Variants in YLPM1 observed in about 807,000 individuals in gnomAD.
YLPM1 encodes YLP motif containing 1, also known as YLP motif-containing protein 1.
YLPM1 carries 99 observed loss-of-function variants against 230.0 expected under a neutral mutation model. The ratio of observed to expected loss-of-function variants is 0.43; its 90% confidence interval spans 0.37 to 0.51. YLPM1 has a LOEUF of 0.51. Among genes scored for constraint, YLPM1 ranks in the 20% least tolerant of loss-of-function variants. The probability of loss-of-function intolerance (pLI) is 0.00; values close to 1 mark genes in which losing one functional copy is unlikely to be tolerated. For missense variants in YLPM1, 2,592 were observed against 2,707.7 expected, an observed-to-expected ratio of 0.96 and a Z score of 0.95; for synonymous variants, 984 against 942.5, an observed-to-expected ratio of 1.04 and a Z score of -0.81.
intron 2 of YLPM1, among the ~76,000 whole-genome samples, chr14:74,779,404 C>T (rs1265403631): frequency 6.6e-6 from 1 of 152,008 alleles, no homozygotes; most frequent in Non-Finnish European, 1.5e-5. Context: ...TGGGTATATT[C>T]AATAGTAGCT....
intron 18 of YLPM1, chr14:74,827,694 A>C: frequency 1.0e-6 from 1 of 985,416 alleles, no homozygotes; most frequent in Non-Finnish European, 1.2e-6. Flanking sequence ...TTTGAGGTTT[A>C]TCTAATAAGT....
chr14:74,807,773 T>C (rs1045342829), intron 6 of YLPM1, among the ~76,000 whole-genome samples: 3 of 152,220 alleles, frequency 2.0e-5, no homozygotes, highest in African/African-American at 4.8e-5. Context: ...CAGATGACTA[T>C]TGTCAACCAG....
Position 74,809,687 on chromosome 14 carries a change from C to A in YLPM1, c.4829C>A (p.Pro1610His). The change falls in exon 7 of 21, where the codon CCC (proline) becomes CAC (histidine). Residue 1610 changes from proline (P) to histidine (H), a missense_variant. Pro to His is a moderately conservative substitution (Grantham distance 77). This residue lies in a region of YLPM1 where 403 missense variants were observed against 426.7 expected (regional missense o/e 0.94). Coordinates refer to ENST00000325680, the MANE Select transcript of YLPM1 (RefSeq NM_019589.3). ...AAIPSAPVLP[P>H]PPVHSSIPPP... is the part of the protein sequence containing the mutation. Reference sequence around the variant, plus strand: ...ATTCCATCTGCTCCAGTATTACCACCCCCACCTGTTCACTCTTCCATTCCC... The same window carrying A: ...ATTCCATCTGCTCCAGTATTACCACACCCACCTGTTCACTCTTCCATTCCC... 6.2e-7 allele frequency: 1 copy of A among 1,614,018 alleles called. No homozygotes were observed. The highest frequency in any genetic ancestry group is 8.5e-7 in the Non-Finnish European group (1 of 1,179,882).
intron 1 of YLPM1, among the ~76,000 whole-genome samples, chr14:74,765,672 C>T (rs1278339837): frequency 1.3e-5 from 2 of 152,186 alleles, no homozygotes; most frequent in East Asian, 3.8e-4. Flanking sequence ...TTTATATTCT[C>T]ACTCTACTAG....
chr14:74,765,695 A>G (rs1003966180), intron 1 of YLPM1, among the ~76,000 whole-genome samples: 2 of 152,198 alleles, frequency 1.3e-5, no homozygotes, highest in African/African-American at 4.8e-5. Flanking sequence ...TGTTTTTCTG[A>G]CCTTACAGAG....
In YLPM1 at chr14:74,782,251, C is replaced by G; in HGVS notation, c.2208C>G (p.Asp736Glu). ...APSQPITAVK[D>E]MPVRSGGLLP... ...CTCAGCCAATCACTGCAGTGAAGGA[C>G]ATGCCAGTGAGATCAGGTGGCCTGC... The change falls in exon 4 of 21, where the codon GAC becomes GAG. Residue 736 changes from aspartate (D) to glutamate (E), a missense_variant. By Grantham distance (45) the Asp-to-Glu change is conservative. Around this residue, in one of 4 missense-constraint regions of YLPM1, gnomAD observed 1,862 missense variants for 1,819.8 expected, o/e 1.02. Transcript: ENST00000325680. 6.3e-7 allele frequency: 1 copy of G among 1,591,920 alleles called. No homozygotes were observed. The highest frequency in any genetic ancestry group is 8.5e-7 in the Non-Finnish European group (1 of 1,175,968).
At chr14:74,807,734 C>T (rs1311238256) in intron 6 of YLPM1, among the ~76,000 whole-genome samples, 1 of 152,178 alleles carries the variant, frequency 6.6e-6, no homozygotes, top group Non-Finnish European at 1.5e-5. Flanking sequence ...TCATAGTACT[C>T]ATGTTCTCTG....
chr14:74,807,228 G>A (rs1440593844), intron 6 of YLPM1, among the ~76,000 whole-genome samples: 1 of 152,010 alleles, frequency 6.6e-6, no homozygotes, highest in Admixed American at 6.6e-5. Flanking sequence ...TATATTGTGG[G>A]CTCTCCAGGA....
At position 74,798,302 on chromosome 14, in the gene YLPM1, G is replaced by A. The variant is rs1164379651; in HGVS notation, c.3005G>A (p.Arg1002Gln). 19 of 1,613,732 alleles carry A rather than the reference G, an allele frequency of 1.2e-5. No homozygotes were observed. Among genetic ancestry groups the A allele is most frequent in the East Asian group, 2.2e-5 (1 of 44,896 alleles). ...AACAACCAAGATAAAGGCCTGCCTC[G>A]GCCAGATAATAGAGATAATAGATTA... The part of the protein sequence containing the change: ...SENNQDKGLP[R>Q]PDNRDNRLEG... The change falls in exon 5 of 21, where the codon CGG becomes CAG. Residue 1002 changes from arginine to glutamine, a missense_variant. By Grantham distance (43) the Arg-to-Gln change is conservative. Transcript: ENST00000325680.
chr14:74,818,346 A>G, intron 16 of YLPM1, 32 bp downstream of exon 16: 1 of 1,534,526 alleles, frequency 6.5e-7, no homozygotes, highest in Non-Finnish European at 8.8e-7. Flanking sequence ...TGCAATGCAA[A>G]GTGATGTTAC....
chr14:74,798,538 A>G lies in YLPM1; in HGVS notation c.3241A>G (p.Arg1081Gly). 6.2e-7 allele frequency: 1 copy of G among 1,613,996 alleles called. No homozygotes were observed. The highest frequency in any genetic ancestry group is 8.5e-7 in the Non-Finnish European group (1 of 1,179,884). The change falls in exon 5 of 21, where the codon AGA becomes GGA. Residue 1081 changes from arginine (R) to glycine (G), a missense_variant. By Grantham distance (125) the Arg-to-Gly change is moderately radical (BLOSUM62 -2). Around this residue, in one of 4 missense-constraint regions of YLPM1, gnomAD observed 1,862 missense variants for 1,819.8 expected, o/e 1.02. Coordinates refer to ENST00000325680, the MANE Select transcript of YLPM1 (RefSeq NM_019589.3). ...KMNRGEGSRD[R>G]GLVRPGSSRE... ...GAACAGAGGAGAAGGTAGCCGGGACAGAGGGTTGGTGAGGCCTGGAAGCAG... is the reference window on the plus strand; with the variant it reads ...GAACAGAGGAGAAGGTAGCCGGGACGGAGGGTTGGTGAGGCCTGGAAGCAG...
intron 1 of YLPM1, among the ~76,000 whole-genome samples, chr14:74,766,469 C>T (rs2090912096): frequency 6.6e-6 from 1 of 151,868 alleles, no homozygotes; most frequent in Admixed American, 6.6e-5. Flanking sequence ...TTCACCTAGG[C>T]CTTTTTTATT....
chr14:74,775,693 A>G (rs1457239086), intron 1 of YLPM1, among the ~76,000 whole-genome samples: 1 of 152,232 alleles, frequency 6.6e-6, no homozygotes, highest in Admixed American at 6.5e-5. Context: ...AATAAACTAT[A>G]GATTGGGTTT....
At chr14:74,819,214 T>C (rs532840816) in intron 16 of YLPM1, among the ~76,000 whole-genome samples, 9 of 152,234 alleles carry the variant, frequency 5.9e-5, no homozygotes, top group Non-Finnish European at 8.8e-5. Context: ...TTTTCTATTT[T>C]TTACCAGTTG....
chr14:74,819,355 A>AC (rs2091503264), intron 16 of YLPM1, among the ~76,000 whole-genome samples: 1 of 148,720 alleles, frequency 6.7e-6, no homozygotes, highest in African/African-American at 2.5e-5. Flanking sequence ...GCTCACTGCA[A>AC]CCTCCGCCTC....
chr14:74,809,350 G>A (rs1420258352), intron 6 of YLPM1, 30 bp from the exon 7 acceptor site: 1 of 1,568,342 alleles, frequency 6.4e-7, no homozygotes, highest in Non-Finnish European at 8.6e-7. Context: ...TGGTATACTT[G>A]TCCACTAAGC....
intron 5 of YLPM1, 92 bp downstream of exon 5, chr14:74,799,789 T>G: frequency 2.1e-6 from 3 of 1,436,590 alleles, no homozygotes; most frequent in Non-Finnish European, 1.8e-6. Context: ...ATGGAATCAT[T>G]TTACTTCAAG....
chr14:74,769,084 T>A (rs1438197199), intron 1 of YLPM1, among the ~76,000 whole-genome samples: 1 of 151,024 alleles, frequency 6.6e-6, no homozygotes, highest in East Asian at 1.9e-4. Context: ...TTATTTATTT[T>A]TATTTTTTTG....
At chr14:74,789,307 C>T (rs2091181643) in intron 4 of YLPM1, among the ~76,000 whole-genome samples, 1 of 152,210 alleles carries the variant, frequency 6.6e-6, no homozygotes, top group African/African-American at 2.4e-5. Context: ...ACCACTGCCT[C>T]CTGGGTTCAA....
Sources: allele counts gnomAD v4.1 joint callset (sites outside exome capture counted in the v4.1 genomes callset), GRCh38; gene constraint gnomAD v4.1.1; regional missense constraint gnomAD v4.1.1; transcripts MANE v1.5; gene names NCBI Gene and HGNC (gene_info 2026-07-23, HGNC 2026-07-21).